Variants in PRICKLE2 observed in about 807,000 individuals in gnomAD.
PRICKLE2 encodes prickle planar cell polarity protein 2.
A neutral mutation model predicts 81.4 loss-of-function variants in PRICKLE2; 21 were observed. That is an observed-to-expected ratio of 0.26 (90% CI 0.18 to 0.37). The LOEUF (loss-of-function observed/expected upper bound fraction) is 0.37, where lower values mean the gene tolerates loss of function less well. Among genes scored for constraint, PRICKLE2 ranks in the 10% least tolerant of loss-of-function variants. The pLI, the probability that PRICKLE2 is intolerant of heterozygous loss-of-function variation, is 1.00. For missense variants in PRICKLE2, 940 were observed against 1,109.0 expected (o/e 0.85, Z 2.16); for synonymous variants, 456 against 421.5 (o/e 1.08, Z -1.00).
At chr3:64,191,690 C>T (rs935527822) in intron 2 of PRICKLE2, among the ~76,000 whole-genome samples, 1 of 152,196 alleles carries the variant, frequency 6.6e-6, no homozygotes, top group African/African-American at 2.4e-5. Flanking sequence ...ACTTTTCCAT[C>T]ATCATTGTCA....
At chr3:64,264,003 G>A (rs970476422) in intron 2 of PRICKLE2, among the ~76,000 whole-genome samples, 1 of 152,178 alleles carries the variant, frequency 6.6e-6, no homozygotes. Flanking sequence ...CGGCAGGGCA[G>A]TGGGAAGGGT....
At chr3:64,197,132 T>C (rs1404351574) in intron 2 of PRICKLE2, among the ~76,000 whole-genome samples, 1 of 152,328 alleles carries the variant, frequency 6.6e-6, no homozygotes, top group Non-Finnish European at 1.5e-5. Context: ...TTCTTTATTA[T>C]AAATAATTTT....
intron 2 of PRICKLE2, 65 bp from the exon 3 acceptor site, chr3:64,163,194 C>G: frequency 4.2e-6 from 4 of 948,988 alleles, no homozygotes; most frequent in Non-Finnish European, 7.0e-6. Context: ...TTCCCACTTA[C>G]TGGGAAGATG....
chr3:64,225,517 C>G (rs116071865), upstream of PRICKLE2: 1 of 923,730 alleles, frequency 1.1e-6, no homozygotes, highest in Admixed American at 6.2e-5. Flanking sequence ...AAGTCAGTCA[C>G]GGCATCTGGA....
intron 1 of PRICKLE2, chr3:64,199,404 C>T (rs2078526678): frequency 5.7e-6 from 1 of 176,270 alleles, no homozygotes; most frequent in African/African-American, 2.4e-5. Context: ...CAACATACTG[C>T]TTTTATAAAA....
chr3:64,220,275 C>G (rs905924314), intron 1 of PRICKLE2, among the ~76,000 whole-genome samples: 8 of 152,082 alleles, frequency 5.3e-5, no homozygotes, highest in Non-Finnish European at 8.8e-5. Context: ...GAATTTCTGC[C>G]CTGGCTACCC....
chr3:64,159,237 C>T (rs1425316245), intron 4 of PRICKLE2, among the ~76,000 whole-genome samples: 1 of 152,170 alleles, frequency 6.6e-6, no homozygotes, highest in Non-Finnish European at 1.5e-5. Flanking sequence ...GTCAACATGA[C>T]TCGGAAGGGC....
chr3:64,213,300 A>T (rs1344855194), intron 1 of PRICKLE2, among the ~76,000 whole-genome samples: 2 of 152,048 alleles, frequency 1.3e-5, no homozygotes, highest in African/African-American at 4.8e-5. Flanking sequence ...GCTGGTCTCG[A>T]ACTCCTGACC....
intron 2 of PRICKLE2, among the ~76,000 whole-genome samples, chr3:64,239,998 C>G (rs993062951): frequency 2.1e-5 from 3 of 145,286 alleles, no homozygotes; most frequent in Non-Finnish European, 3.0e-5. Flanking sequence ...CAGCATGTGA[C>G]TATAGTCTCA....
intron 2 of PRICKLE2, among the ~76,000 whole-genome samples, chr3:64,170,122 C>T (rs1329213931): frequency 6.6e-6 from 1 of 152,142 alleles, no homozygotes; most frequent in African/African-American, 2.4e-5. Context: ...TTGGCTCCTT[C>T]CCTTTTCTCC....
At chr3:64,252,395 C>T (rs1041079545) in intron 2 of PRICKLE2, among the ~76,000 whole-genome samples, 3 of 152,182 alleles carry the variant, frequency 2.0e-5, no homozygotes, top group Non-Finnish European at 4.4e-5. Context: ...AAGCACAACC[C>T]CTCTACATCC....
At chr3:64,234,545 T>C (rs1168018175) in intron 2 of PRICKLE2, among the ~76,000 whole-genome samples, 3 of 152,198 alleles carry the variant, frequency 2.0e-5, no homozygotes, top group Admixed American at 1.3e-4. Flanking sequence ...GTTCCTTGTA[T>C]ATTCTGGGAA....
intron 2 of PRICKLE2, among the ~76,000 whole-genome samples, chr3:64,242,304 A>G (rs2079278497): frequency 1.3e-5 from 2 of 152,308 alleles, no homozygotes; most frequent in East Asian, 1.9e-4. Flanking sequence ...TTTAACTTAC[A>G]TTTCATGAAC....
chr3:64,236,918 G>A (rs541579917), intron 2 of PRICKLE2, among the ~76,000 whole-genome samples: 13 of 152,316 alleles, frequency 8.5e-5, no homozygotes, highest in African/African-American at 2.9e-4. Flanking sequence ...AGTAATCATA[G>A]ATCTTCCCAC....
At chr3:64,144,913 T>C (rs529343573) in intron 7 of PRICKLE2, among the ~76,000 whole-genome samples, 14 of 152,274 alleles carry the variant, frequency 9.2e-5, no homozygotes, top group African/African-American at 2.9e-4. Context: ...TCAGTACTAA[T>C]CTCGCTGCTG....
chr3:64,261,856 A>T (rs1029033256), intron 2 of PRICKLE2, among the ~76,000 whole-genome samples: 2 of 152,172 alleles, frequency 1.3e-5, no homozygotes, highest in African/African-American at 2.4e-5. Flanking sequence ...TATTGCAATG[A>T]GAAGCTGTCT....
chr3:64,167,144 A>C (rs74597957), intron 2 of PRICKLE2, among the ~76,000 whole-genome samples: 20,286 of 152,236 alleles, frequency 0.13, 1,819 homozygotes, highest in Non-Finnish European at 0.19. Context: ...CAATCCCTGA[A>C]AATCCTGCAG....
At chr3:64,223,503 C>T (rs2078986481) in intron 1 of PRICKLE2, among the ~76,000 whole-genome samples, 1 of 152,168 alleles carries the variant, frequency 6.6e-6, no homozygotes, top group Non-Finnish European at 1.5e-5. Flanking sequence ...TTTATTCCCT[C>T]ACATTTCATG....
chr3:64,145,374 A>G (rs2077432259), intron 7 of PRICKLE2: 2 of 148,728 alleles, frequency 1.3e-5, no homozygotes, highest in South Asian at 4.2e-4. Flanking sequence ...CACACGCTAT[A>G]TATTTTATAT....
Sources: allele counts gnomAD v4.1 joint callset (sites outside exome capture counted in the v4.1 genomes callset), GRCh38; gene constraint gnomAD v4.1.1; transcripts MANE v1.5; gene names NCBI Gene and HGNC (gene_info 2026-07-23, HGNC 2026-07-21).